The following CANX variants were observed in gnomAD, a reference collection of about 807,000 sequenced individuals.
CANX encodes epididymis secretory sperm binding protein.
A neutral mutation model predicts 75.7 loss-of-function variants in CANX; 14 were observed. The observed-to-expected ratio is 0.19, with a 90% confidence interval of 0.12 to 0.29. The LOEUF (loss-of-function observed/expected upper bound fraction) is 0.29. CANX is among the 10% of genes least tolerant of loss of function. The probability of loss-of-function intolerance (pLI) is 1.00; values close to 1 mark genes in which losing one functional copy is unlikely to be tolerated. For synonymous variants in CANX, 227 were observed against 236.9 expected, an observed-to-expected ratio of 0.96 and a Z score of 0.38; for missense variants, 567 against 713.2, an observed-to-expected ratio of 0.79 and a Z score of 2.34.
In CANX at chr5:179,709,979, G is replaced by A. The variant is rs781268361; in HGVS notation, c.635G>A (p.Gly212Asp). Residue 212 changes from glycine (G) to aspartate (D), a missense_variant, in exon 7 of 15, where the codon GGT (glycine) becomes GAT (aspartate). Transcript: ENST00000247461. ...TTCCGACACAAAAACCCCAAAACGG[G>A]TATCTATGAAGAAAAACATGCTAAG... Reference protein sequence around the residue: ...FIFRHKNPKTGIYEEKHAKRP... With the variant: ...FIFRHKNPKTDIYEEKHAKRP... 2 of 1,613,052 alleles carry A rather than the reference G, an allele frequency of 1.2e-6. No homozygotes were observed. The highest frequency in any genetic ancestry group is 2.2e-5 in the South Asian group (2 of 91,062).
chr5:179,725,530 A>C (rs1778594652), intron 13 of CANX, among the ~76,000 whole-genome samples: 1 of 150,470 alleles, frequency 6.6e-6, no homozygotes, highest in Non-Finnish European at 1.5e-5. Flanking sequence ...AAATACAAAA[A>C]TTAGCCGGGC....
chr5:179,681,779 C>A (rs1393749986), intron 1 of CANX, among the ~76,000 whole-genome samples: 1 of 151,758 alleles, frequency 6.6e-6, no homozygotes, highest in African/African-American at 2.4e-5. Context: ...ATGGCAAGAC[C>A]CCATCTCTAC....
At chr5:179,719,283 G>A (rs1778160054) in intron 8 of CANX, among the ~76,000 whole-genome samples, 1 of 152,120 alleles carries the variant, frequency 6.6e-6, no homozygotes, top group Non-Finnish European at 1.5e-5. Flanking sequence ...GTTTTTATGA[G>A]TCTTTTTTAT....
chr5:179,679,379 G>A (rs939577796), intron 1 of CANX: 1 of 908,514 alleles, frequency 1.1e-6, no homozygotes, highest in South Asian at 1.8e-5. Context: ...TGTCTCACCA[G>A]CTGCTGGCCA....
At chr5:179,702,955 GAC>G (rs1776868569) in intron 1 of CANX, among the ~76,000 whole-genome samples, 1 of 151,990 alleles carries the variant, frequency 6.6e-6, no homozygotes, top group Non-Finnish European at 1.5e-5. Context: ...TTTTAGTAGA[GAC>G]AGGGTTTCTC....
chr5:179,725,247 C>A (rs1308236821), intron 13 of CANX, among the ~76,000 whole-genome samples: 1 of 152,050 alleles, frequency 6.6e-6, no homozygotes, highest in African/African-American at 2.4e-5. Context: ...GGCCCTGTTG[C>A]CCAGGCTGGA....
intron 13 of CANX, among the ~76,000 whole-genome samples, chr5:179,726,003 T>A (rs1430535104): frequency 6.8e-6 from 1 of 146,414 alleles, no homozygotes; most frequent in Non-Finnish European, 1.5e-5. Flanking sequence ...AAAAAAAAAT[T>A]GTTGGCCGAG....
chr5:179,684,500 C>T (rs111894593), intron 1 of CANX, among the ~76,000 whole-genome samples: 87 of 151,342 alleles, frequency 5.7e-4, no homozygotes, highest in African/African-American at 1.9e-3. Flanking sequence ...CCACCACGCC[C>T]GGCTAATTTT....
intron 3 of CANX, 121 bp from the exon 4 acceptor site, chr5:179,707,011 G>C: frequency 1.5e-6 from 1 of 667,718 alleles, no homozygotes; most frequent in South Asian, 1.6e-5. Flanking sequence ...TTAAAGGTTG[G>C]AAGTAGAGTG....
At chr5:179,701,736 CTTTTTTTTTTTT>C (rs558907168) in intron 1 of CANX, among the ~76,000 whole-genome samples, 5 of 43,996 alleles carry the variant, frequency 1.1e-4, no homozygotes, top group South Asian at 1.2e-3. Flanking sequence ...AACAGATGTA[CTTTTTTTTTTTT>C]TTTTTTTTTT....
intron 1 of CANX, among the ~76,000 whole-genome samples, chr5:179,684,798 C>T (rs560461584): frequency 4.5e-4 from 69 of 151,910 alleles, no homozygotes; most frequent in Middle Eastern, 3.4e-3. Flanking sequence ...CTTTTGTTGC[C>T]CAGGCTGGAG....
chr5:179,698,585 G>A (rs7701901), upstream of CANX: 1 of 1,289,342 alleles, frequency 7.8e-7, no homozygotes, highest in African/African-American at 1.5e-5. Flanking sequence ...CCCAAGTCTC[G>A]GCTCCAGGAA....
intron 3 of CANX, among the ~76,000 whole-genome samples, chr5:179,706,855 C>T (rs1436755410): frequency 6.6e-6 from 1 of 152,188 alleles, no homozygotes; most frequent in Non-Finnish European, 1.5e-5. Flanking sequence ...CCCTCCCCCA[C>T]TCTACCCTAT....
At chr5:179,718,105 A>G (rs1581883736) in intron 8 of CANX, among the ~76,000 whole-genome samples, 1 of 152,148 alleles carries the variant, frequency 6.6e-6, no homozygotes, top group East Asian at 1.9e-4. Flanking sequence ...TCTGGGGTCA[A>G]GCGATCCTCT....
At chr5:179,678,931 G>A in intron 1 of CANX, 1 of 1,535,252 alleles carries the variant, frequency 6.5e-7, no homozygotes, top group Non-Finnish European at 8.7e-7. Context: ...CCTGGTTGCT[G>A]AGGCGCATGC....
intron 13 of CANX, among the ~76,000 whole-genome samples, chr5:179,726,172 C>G (rs868153186): frequency 6.6e-6 from 1 of 151,646 alleles, no homozygotes. Context: ...CCTGTAATCC[C>G]GGCTACTCCG....
intron 1 of CANX, among the ~76,000 whole-genome samples, chr5:179,684,621 T>C (rs1187077560): frequency 2.0e-5 from 3 of 152,064 alleles, no homozygotes; most frequent in African/African-American, 7.2e-5. Flanking sequence ...ATTACAGGCT[T>C]GAGCCACCGT....
At chr5:179,680,765 C>T (rs1776041981) in intron 1 of CANX, 1 of 785,944 alleles carries the variant, frequency 1.3e-6, no homozygotes, top group Non-Finnish European at 2.1e-6. Flanking sequence ...TGCCCATGGG[C>T]AGTGAGAAGA....
intron 7 of CANX, 186 bp from the exon 8 acceptor site, chr5:179,715,919 T>G (rs1345901548): frequency 2.9e-6 from 2 of 685,492 alleles, no homozygotes; most frequent in Non-Finnish European, 5.3e-6. Context: ...GACTAATCAT[T>G]TATGTTTCGT....
Sources: gnomAD v4.1 joint callset for allele counts (sites outside exome capture counted in the v4.1 genomes callset) on GRCh38, gnomAD v4.1.1 for gene constraint, MANE v1.5 for transcripts, NCBI Gene and HGNC (gene_info 2026-07-23, HGNC 2026-07-21) for gene names.